NREP: variants seen among roughly 807,000 people sequenced by gnomAD.
NREP encodes neuronal regeneration-related protein.
In NREP, 5 loss-of-function variants were observed where a neutral mutation model predicts 8.6. That is an observed-to-expected ratio of 0.58 (90% CI 0.30 to 1.22). The LOEUF is 1.22. Ranked by LOEUF, NREP falls within the 50% of genes most tolerant of loss-of-function variation. The pLI is 0.07. For synonymous variants in NREP, 27 were observed against 28.0 expected, an observed-to-expected ratio of 0.96 and a Z score of 0.11; for missense variants, 86 against 82.5, an observed-to-expected ratio of 1.04 and a Z score of -0.17.
At chr5:111,744,356 C>G (rs953337210) in intron 2 of NREP, among the ~76,000 whole-genome samples, 3 of 151,998 alleles carry the variant, frequency 2.0e-5, no homozygotes, top group African/African-American at 7.3e-5. Context: ...GTTTCTATTG[C>G]AGATGGATGT....
chr5:111,952,814 T>C (rs1756200663), intron 2 of NREP, among the ~76,000 whole-genome samples: 1 of 152,138 alleles, frequency 6.6e-6, no homozygotes, highest in African/African-American at 2.4e-5. Flanking sequence ...GGGGAAAGTA[T>C]GTGAAGAATA....
chr5:111,828,073 C>G (rs1752670521), intron 2 of NREP, among the ~76,000 whole-genome samples: 1 of 151,590 alleles, frequency 6.6e-6, no homozygotes, highest in Non-Finnish European at 1.5e-5. Context: ...CTTGTTTGCC[C>G]AGGCTGGAGT....
chr5:111,853,235 G>A (rs1327488831), intron 2 of NREP, among the ~76,000 whole-genome samples: 2 of 152,112 alleles, frequency 1.3e-5, no homozygotes, highest in African/African-American at 4.8e-5. Context: ...GGGTTAGGAG[G>A]TAGGGAAGCA....
At chr5:111,782,256 G>C (rs1015992041) in intron 2 of NREP, among the ~76,000 whole-genome samples, 1 of 152,118 alleles carries the variant, frequency 6.6e-6, no homozygotes, top group Admixed American at 6.6e-5. Context: ...TCCACATGTA[G>C]AGTACAAAAA....
chr5:111,835,411 T>TA (rs1169157018), intron 2 of NREP, among the ~76,000 whole-genome samples: 2 of 152,058 alleles, frequency 1.3e-5, no homozygotes, highest in Non-Finnish European at 2.9e-5. Context: ...GAAGGAGGCA[T>TA]TATCTACCAA....
chr5:111,821,481 T>C (rs1752513261), intron 2 of NREP, among the ~76,000 whole-genome samples: 1 of 152,198 alleles, frequency 6.6e-6, no homozygotes, highest in South Asian at 2.1e-4. Flanking sequence ...CTAGTTAAAG[T>C]CATTAATGTA....
intron 2 of NREP, among the ~76,000 whole-genome samples, chr5:111,827,322 C>G (rs1029575625): frequency 6.6e-6 from 1 of 152,146 alleles, no homozygotes; most frequent in Non-Finnish European, 1.5e-5. Context: ...GTCAAGGAAC[C>G]AACATGTTAC....
chr5:111,831,857 TA>T (rs1752776421), intron 2 of NREP, among the ~76,000 whole-genome samples: 1 of 152,102 alleles, frequency 6.6e-6, no homozygotes, highest in South Asian at 2.1e-4. Context: ...GCCTAGAGAA[TA>T]AAAACTTATT....
chr5:111,766,443 G>C (rs1581101404), intron 2 of NREP, among the ~76,000 whole-genome samples: 1 of 152,192 alleles, frequency 6.6e-6, no homozygotes, highest in Non-Finnish European at 1.5e-5. Context: ...GGGTTGAAAA[G>C]AGTTGAAAGG....
intron 2 of NREP, among the ~76,000 whole-genome samples, chr5:111,811,017 T>A (rs1407196935): frequency 2.0e-5 from 3 of 152,200 alleles, no homozygotes; most frequent in Non-Finnish European, 4.4e-5. Flanking sequence ...GAGCTTTACA[T>A]GAAGTAATTA....
chr5:111,908,834 C>T (rs923130260), intron 2 of NREP, among the ~76,000 whole-genome samples: 3 of 151,864 alleles, frequency 2.0e-5, no homozygotes, highest in Admixed American at 2.0e-4. Context: ...TATTTTAGTT[C>T]TTTGAGAAAT....
intron 2 of NREP, among the ~76,000 whole-genome samples, chr5:111,862,268 G>A (rs554038526): frequency 6.6e-6 from 1 of 152,268 alleles, no homozygotes; most frequent in African/African-American, 2.4e-5. Flanking sequence ...TCCAATAGTA[G>A]GTAGATTTAA....
At chr5:111,771,711 C>T (rs749652397) in intron 2 of NREP, among the ~76,000 whole-genome samples, 2 of 144,058 alleles carry the variant, frequency 1.4e-5, no homozygotes, top group Admixed American at 7.1e-5. Flanking sequence ...TGTGGTGAGC[C>T]AAGATCATGC....
At chr5:111,778,466 AC>A (rs1178096893) in intron 2 of NREP, among the ~76,000 whole-genome samples, 3 of 152,056 alleles carry the variant, frequency 2.0e-5, no homozygotes, top group Admixed American at 6.6e-5. Context: ...TGTCCTCTAA[AC>A]CATGTCCTTT....
upstream of NREP, chr5:111,757,892 G>C (rs923158037): frequency 3.7e-5 from 36 of 984,352 alleles, no homozygotes; most frequent in Admixed American, 6.1e-5. Context: ...ACAGCCCGGC[G>C]GCCCGCCAGG....
intron 2 of NREP, among the ~76,000 whole-genome samples, chr5:111,928,178 TA>T (rs35489352): frequency 0.52 from 79,410 of 151,904 alleles, 21,647 homozygotes; most frequent in African/African-American, 0.65. Context: ...ATATATCCCC[TA>T]AAAGAATTTT....
At chr5:111,961,332 G>C (rs571971386) in intron 2 of NREP, among the ~76,000 whole-genome samples, 33 of 152,344 alleles carry the variant, frequency 2.2e-4, no homozygotes, top group Admixed American at 2.2e-3. Context: ...AGGAAAATAA[G>C]TGTTAATAAG....
At chr5:111,937,995 T>C (rs1355253562) in intron 2 of NREP, among the ~76,000 whole-genome samples, 2 of 152,038 alleles carry the variant, frequency 1.3e-5, no homozygotes, top group Non-Finnish European at 2.9e-5. Flanking sequence ...TGCTCTGTCT[T>C]GCTCTTGTAA....
At position 111,729,919 on chromosome 5, in the gene NREP, T is replaced by G. The variant is rs1177223985; in HGVS notation, c.*1002A>C. 2.0e-5 allele frequency: 3 copies of G among 152,638 alleles called. No individual in the cohort carries two copies. The highest frequency in any genetic ancestry group is 4.4e-5 in the Non-Finnish European group (3 of 68,028). The allele number at this position is 152,638 out of a possible 1,614,324, so 9.5% of individuals were successfully genotyped here. On this transcript the variant is annotated 3_prime_UTR_variant, in exon 4 of 4. Transcript: ENST00000257435. ...TATTCCCACTCAGATGCCAGTGTTTTGGGTTTTTTTCCAGGGGGAGTTTAT... is the reference window on the plus strand; with the variant it reads ...TATTCCCACTCAGATGCCAGTGTTTGGGGTTTTTTTCCAGGGGGAGTTTAT...
Sources: allele counts gnomAD v4.1 joint callset (sites outside exome capture counted in the v4.1 genomes callset), GRCh38; gene constraint gnomAD v4.1.1; transcripts MANE v1.5; gene names NCBI Gene and HGNC (gene_info 2026-07-23, HGNC 2026-07-21).